The following CNTN6 variants were observed in gnomAD, a reference collection of about 807,000 sequenced individuals.
The protein encoded by CNTN6 is contactin-6.
In CNTN6, 137 loss-of-function variants were observed where a neutral mutation model predicts 122.8. The observed-to-expected ratio is 1.12, with a 90% CI of 0.97 to 1.29. CNTN6 has a LOEUF of 1.29. CNTN6 is among the 50% of genes most tolerant of loss of function. CNTN6 has a pLI of 0.00. For missense variants in CNTN6, 1,634 were observed against 1,223.4 expected (o/e 1.34, Z -5.01); for synonymous variants, 570 against 426.0 (o/e 1.34, Z -4.16).
At chr3:1,142,346 T>C (rs916996717) in intron 1 of CNTN6, among the ~76,000 whole-genome samples, 1 of 152,116 alleles carries the variant, frequency 6.6e-6, no homozygotes, top group Admixed American at 6.6e-5. Context: ...ATCTGCCTTC[T>C]GGGATCAGAA....
Position 1,403,180 on chromosome 3 carries a change from T to C in CNTN6, c.2987-138T>C. The C allele has an allele frequency of 5.3e-6, 3 of 563,902 alleles. No individual in the cohort carries two copies. In the South Asian group the frequency reaches 7.7e-5, roughly 14 times the overall value. 34.9% of individuals were successfully genotyped at this position (563,902 alleles called of 1,614,324 possible). A position where few individuals can be genotyped will look rare whatever the true frequency, so the allele number is the denominator to read the frequency against. On this transcript the variant is annotated intron_variant, in intron 22 of 22. Transcript: ENST00000446702. ...CGGTAAGGCACTTTCTAAAATTAAA[T>C]ATAATGTGAATGAGACAAGTATAAT...
At chr3:1,351,559 T>A (rs1413636165) in intron 11 of CNTN6, among the ~76,000 whole-genome samples, 1 of 151,642 alleles carries the variant, frequency 6.6e-6, no homozygotes, top group African/African-American at 2.4e-5. Context: ...CAGGGTTTTT[T>A]TTTTTTTTCT....
intron 2 of CNTN6, among the ~76,000 whole-genome samples, chr3:1,199,720 T>C (rs1425962341): frequency 6.6e-6 from 1 of 152,170 alleles, no homozygotes; most frequent in Non-Finnish European, 1.5e-5. Context: ...CTCTGCTAAG[T>C]GAGTGATTAA....
intron 4 of CNTN6, among the ~76,000 whole-genome samples, chr3:1,233,734 CAAAAAAAAA>C (rs1166507455): frequency 3.8e-5 from 2 of 52,168 alleles, no homozygotes; most frequent in South Asian, 1.8e-3. Context: ...GACTCTGTCT[CAAAAAAAAA>C]AAAAAAAAAA....
At chr3:1,200,304 G>C (rs746526531) in intron 2 of CNTN6, among the ~76,000 whole-genome samples, 9 of 152,164 alleles carry the variant, frequency 5.9e-5, no homozygotes, top group Non-Finnish European at 1.3e-4. Context: ...AAACTGCCAG[G>C]ACTACAGGCG....
chr3:1,391,375 C>G (rs1694120048), intron 20 of CNTN6, among the ~76,000 whole-genome samples: 1 of 120,786 alleles, frequency 8.3e-6, no homozygotes, highest in African/African-American at 3.6e-5. Context: ...TAAAAACTCT[C>G]AATAAATTAG....
intron 1 of CNTN6, among the ~76,000 whole-genome samples, chr3:1,096,994 C>T (rs1248579477): frequency 6.6e-6 from 1 of 152,162 alleles, no homozygotes; most frequent in Non-Finnish European, 1.5e-5. Flanking sequence ...TTTTAAATAG[C>T]AATCTTTCAG....
rs555129652 is a variant in CNTN6, at chr3:1,154,572, T to C, written c.55+6509T>C. On this transcript the variant is annotated intron_variant, in intron 2 of 22. Coordinates refer to ENST00000446702, the MANE Select transcript of CNTN6 (RefSeq NM_001289080.2). ...AATTCTCCTGCCTCAGCCTCCCAAGTAGCTGGGATTACGGGCATGCACCAC... is the reference window on the plus strand; with the variant it reads ...AATTCTCCTGCCTCAGCCTCCCAAGCAGCTGGGATTACGGGCATGCACCAC... 2.9e-3 allele frequency among the ~76,000 whole-genome samples: 446 copies of C among 151,968 alleles called. 1 individual carries two copies. Among genetic ancestry groups the C allele is most frequent in the Middle Eastern group, 6.8e-3 (2 of 294 alleles).
chr3:1,157,170 CACAA>C (rs1475016739), intron 2 of CNTN6, among the ~76,000 whole-genome samples: 2 of 150,064 alleles, frequency 1.3e-5, no homozygotes, highest in Non-Finnish European at 2.9e-5. Context: ...TCCTTTGTGT[CACAA>C]ACAATCTAAT....
At chr3:1,234,184 T>G (rs985729671) in intron 4 of CNTN6, among the ~76,000 whole-genome samples, 2 of 152,172 alleles carry the variant, frequency 1.3e-5, no homozygotes, top group Admixed American at 1.3e-4. Flanking sequence ...TAACATTTCC[T>G]TCTTGAAACA....
chr3:1,152,248 C>T (rs1317600211), intron 2 of CNTN6, among the ~76,000 whole-genome samples: 3 of 151,986 alleles, frequency 2.0e-5, no homozygotes, highest in Non-Finnish European at 4.4e-5. Flanking sequence ...ATACAATTCT[C>T]CTGCCTCAGC....
intron 2 of CNTN6, among the ~76,000 whole-genome samples, chr3:1,167,047 TA>T (rs764885215): frequency 0.021 from 2,745 of 130,868 alleles, 50 homozygotes; most frequent in African/African-American, 0.06. Flanking sequence ...AACTTAAAAT[TA>T]AAAAAAAAAA....
At chr3:1,364,035 A>G (rs527655809) in intron 12 of CNTN6, among the ~76,000 whole-genome samples, 19 of 152,014 alleles carry the variant, frequency 1.2e-4, no homozygotes, top group African/African-American at 4.6e-4. Flanking sequence ...TCACATACCT[A>G]TTGGCTATTT....
chr3:1,165,603 TATA>T lies in CNTN6; in HGVS notation c.55+17552_55+17554del, dbSNP rs144374654. On this transcript the variant is annotated intron_variant, in intron 2 of 22. Coordinates refer to ENST00000446702, the MANE Select transcript of CNTN6 (RefSeq NM_001289080.2). Reference sequence around the variant, plus strand: ...ACACACACTCACTTCTACAAGGACTTATAATAATAATAATCACAACAGCTACCT... The same window carrying T: ...ACACACACTCACTTCTACAAGGACTTATAATAATAATCACAACAGCTACCT... Among the ~76,000 whole-genome samples, 499 of 152,212 alleles carry T rather than the reference TATA, an allele frequency of 3.3e-3. 2 individuals carry two copies. Among genetic ancestry groups the T allele is most frequent in the African/African-American group, 0.011 (441 of 41,540 alleles).
rs1701676561 is a variant in CNTN6, at chr3:1,327,363, A to G, written c.1084-94A>G. 10 of 1,306,520 alleles carry G rather than the reference A, an allele frequency of 7.7e-6. No homozygotes were observed. In the East Asian group the frequency reaches 2.4e-4, roughly 31 times the overall value. 80.9% of individuals were successfully genotyped at this position (1,306,520 alleles called of 1,614,324 possible). A position where few individuals can be genotyped will look rare whatever the true frequency, so the allele number is the denominator to read the frequency against. ...TTAATACACCAAATTATCAGATCTC[A>G]TAGATATACACAAATGTTGTTTAAT... is the stretch of plus-strand genomic sequence containing the variant. On this transcript the variant is annotated intron_variant, in intron 9 of 22. Coordinates refer to ENST00000446702, the MANE Select transcript of CNTN6 (RefSeq NM_001289080.2).
intron 4 of CNTN6, among the ~76,000 whole-genome samples, chr3:1,242,423 T>C (rs1252207745): frequency 1.3e-5 from 2 of 152,106 alleles, no homozygotes; most frequent in Non-Finnish European, 2.9e-5. Flanking sequence ...TCTGTAAGAC[T>C]TGTCCGGTTT....
chr3:1,254,161 C>T lies in CNTN6; in HGVS notation c.359-24252C>T, dbSNP rs143071291. Among the ~76,000 whole-genome samples the T allele has an allele frequency of 2.1e-3, 316 of 152,118 alleles. 3 individuals carry two copies. The highest frequency in any genetic ancestry group is 2.5e-3 in the Non-Finnish European group (169 of 68,008). ...ATCTTTTTTAAAGACATAAAATATA[C>T]CAATACTGCCAATTTTCATCTCGTG... On this transcript the variant is annotated intron_variant, in intron 4 of 22. Transcript: ENST00000446702.
intron 4 of CNTN6, among the ~76,000 whole-genome samples, chr3:1,242,297 G>A (rs1031999663): frequency 2.6e-5 from 4 of 151,858 alleles, no homozygotes; most frequent in South Asian, 2.1e-4. Context: ...CTTTAAGATG[G>A]AGAACAGAAT....
At chr3:1,384,810 C>CT in intron 19 of CNTN6, among the ~76,000 whole-genome samples, 1 of 136,242 alleles carries the variant, frequency 7.3e-6, no homozygotes, top group Admixed American at 7.7e-5. Flanking sequence ...CACACACACA[C>CT]ACATATATAT....
Sources: allele counts gnomAD v4.1 joint callset (sites outside exome capture counted in the v4.1 genomes callset), GRCh38; gene constraint gnomAD v4.1.1; transcripts MANE v1.5; gene names NCBI Gene and HGNC (gene_info 2026-07-23, HGNC 2026-07-21).